NPAS3: variants seen among roughly 807,000 people sequenced by gnomAD.
The protein encoded by NPAS3 is neuronal PAS domain-containing protein 3.
In NPAS3, 14 loss-of-function variants were observed where a neutral mutation model predicts 73.1. The observed-to-expected ratio is 0.19, with a 90% CI of 0.13 to 0.30. The LOEUF (loss-of-function observed/expected upper bound fraction) is 0.30, where lower values mean the gene tolerates loss of function less well. Ranked by LOEUF, NPAS3 falls within the 10% of genes least tolerant of loss-of-function variation. The pLI is 1.00. For missense variants in NPAS3, 1,096 were observed against 1,250.0 expected (o/e 0.88, Z 1.86); for synonymous variants, 620 against 541.5 (o/e 1.14, Z -2.01).
chr14:33,030,604 C>T (rs938094630), intron 1 of NPAS3, among the ~76,000 whole-genome samples: 1 of 152,084 alleles, frequency 6.6e-6, no homozygotes, highest in African/African-American at 2.4e-5. Flanking sequence ...CCAGATCAGA[C>T]TCAATGTCAA....
chr14:33,714,600 A>G (rs984029673), intron 6 of NPAS3, among the ~76,000 whole-genome samples: 1 of 152,246 alleles, frequency 6.6e-6, no homozygotes, highest in South Asian at 2.1e-4. Context: ...ACTTTGGGTA[A>G]GAAGTCAACA....
chr14:33,371,538 G>A (rs1285644828), intron 4 of NPAS3, among the ~76,000 whole-genome samples: 2 of 152,150 alleles, frequency 1.3e-5, no homozygotes, highest in African/African-American at 4.8e-5. Context: ...GGTCATGTCT[G>A]TGCTGAGAAA....
intron 1 of NPAS3, among the ~76,000 whole-genome samples, chr14:33,054,855 G>A (rs1009071481): frequency 1.4e-4 from 21 of 152,090 alleles, no homozygotes; most frequent in Admixed American, 1.0e-3. Flanking sequence ...CTCGTGATCC[G>A]CCTGCCTCGG....
At chr14:33,042,998 A>G (rs112939470) in intron 1 of NPAS3, among the ~76,000 whole-genome samples, 1 of 152,188 alleles carries the variant, frequency 6.6e-6, no homozygotes, top group South Asian at 2.1e-4. Flanking sequence ...ACTTTATATT[A>G]TCTTGCTGCT....
At chr14:33,440,664 G>A (rs954942603) in intron 4 of NPAS3, among the ~76,000 whole-genome samples, 7 of 152,070 alleles carry the variant, frequency 4.6e-5, no homozygotes, top group Admixed American at 2.6e-4. Context: ...AGGCTGAGGC[G>A]GGTGGATCAC....
At chr14:33,707,768 C>T (rs1877748932) in intron 6 of NPAS3, among the ~76,000 whole-genome samples, 1 of 152,118 alleles carries the variant, frequency 6.6e-6, no homozygotes, top group Admixed American at 6.5e-5. Flanking sequence ...TCCTCTAGCC[C>T]TTCCAGAGAA....
chr14:33,028,223 C>T (rs1050621527), intron 1 of NPAS3, among the ~76,000 whole-genome samples: 2 of 152,132 alleles, frequency 1.3e-5, no homozygotes, highest in Non-Finnish European at 2.9e-5. Context: ...AATAGCTTTC[C>T]CTTTAAAAAT....
At chr14:33,650,981 A>AGGGAG (rs1212848095) in intron 5 of NPAS3, among the ~76,000 whole-genome samples, 1 of 152,220 alleles carries the variant, frequency 6.6e-6, no homozygotes, top group Non-Finnish European at 1.5e-5. Context: ...GGAGGAAGGA[A>AGGGAG]GGGAGGCTTG....
At chr14:33,273,551 C>G (rs1179066505) in intron 3 of NPAS3, among the ~76,000 whole-genome samples, 1 of 152,128 alleles carries the variant, frequency 6.6e-6, no homozygotes, top group East Asian at 1.9e-4. Context: ...ACATTCATTT[C>G]TCATCTGGCC....
intron 3 of NPAS3, among the ~76,000 whole-genome samples, chr14:33,353,127 C>T (rs2045155805): frequency 6.7e-6 from 1 of 150,272 alleles, no homozygotes; most frequent in South Asian, 2.1e-4. Context: ...AAAGTTCAAC[C>T]TCAGTGATGA....
chr14:33,721,066 T>C (rs954246428), intron 6 of NPAS3, among the ~76,000 whole-genome samples: 1 of 152,228 alleles, frequency 6.6e-6, no homozygotes, highest in Non-Finnish European at 1.5e-5. Flanking sequence ...TTTCTATTGT[T>C]ATTTTTATAT....
chr14:32,937,696 T>G (rs749884771), upstream of NPAS3, among the ~76,000 whole-genome samples: 5 of 152,222 alleles, frequency 3.3e-5, no homozygotes, highest in Admixed American at 6.5e-5. Context: ...GGAGGACCCC[T>G]TTTCAGGTCT....
chr14:33,728,576 G>T (rs2061329456), intron 6 of NPAS3, among the ~76,000 whole-genome samples: 1 of 152,106 alleles, frequency 6.6e-6, no homozygotes, highest in Non-Finnish European at 1.5e-5. Flanking sequence ...GTCTGCAAAG[G>T]GTGGTACAAC....
chr14:33,066,533 A>G (rs975444226), intron 2 of NPAS3, among the ~76,000 whole-genome samples: 9 of 152,184 alleles, frequency 5.9e-5, no homozygotes, highest in African/African-American at 2.2e-4. Flanking sequence ...AGCAGATTTT[A>G]AGTAGAGTAT....
intron 1 of NPAS3, among the ~76,000 whole-genome samples, chr14:32,967,773 G>GT (rs553602936): frequency 6.6e-6 from 1 of 150,726 alleles, no homozygotes; most frequent in Non-Finnish European, 1.5e-5. Context: ...ACAGCATGTG[G>GT]GGGGGGGTCC....
At chr14:32,948,570 C>T (rs1483416967) in intron 1 of NPAS3, among the ~76,000 whole-genome samples, 1 of 152,080 alleles carries the variant, frequency 6.6e-6, no homozygotes, top group Non-Finnish European at 1.5e-5. Context: ...AGTTTACGAG[C>T]AATGGTTAGT....
upstream of NPAS3, among the ~76,000 whole-genome samples, chr14:32,938,524 A>AGAGAGAGAGAGAGAGG (rs755281473): frequency 1.0e-5 from 1 of 97,400 alleles, no homozygotes; most frequent in African/African-American, 4.5e-5. Flanking sequence ...AGAGAGAGAG[A>AGAGAGAGAGAGAGAGG]AGGGGGGGGA....
downstream of NPAS3, chr14:33,804,159 C>T (rs1018752531): frequency 6.6e-6 from 1 of 152,058 alleles, no homozygotes; most frequent in African/African-American, 2.4e-5. Context: ...TAATAAACTT[C>T]TCTTGGATTT....
At chr14:33,186,101 C>T (rs2045965226) in intron 2 of NPAS3, among the ~76,000 whole-genome samples, 1 of 152,116 alleles carries the variant, frequency 6.6e-6, no homozygotes, top group African/African-American at 2.4e-5. Context: ...AGTAGACTCC[C>T]CCCCACCCAC....
Sources: gnomAD v4.1 joint callset for allele counts (sites outside exome capture counted in the v4.1 genomes callset) on GRCh38, gnomAD v4.1.1 for gene constraint, MANE v1.5 for transcripts, NCBI Gene and HGNC (gene_info 2026-07-23, HGNC 2026-07-21) for gene names.